Variants in GALM observed in about 807,000 individuals in gnomAD.
GALM encodes the protein galactose mutarotase.
GALM carries 43 observed loss-of-function variants against 37.4 expected under a neutral mutation model. The ratio of observed to expected loss-of-function variants is 1.15; its 90% confidence interval spans 0.90 to 1.48. The LOEUF (loss-of-function observed/expected upper bound fraction) is 1.48. GALM is among the 40% of genes most tolerant of loss of function. The probability of loss-of-function intolerance (pLI) is 0.00; values close to 1 mark genes in which losing one functional copy is unlikely to be tolerated. For missense variants in GALM, 456 were observed against 419.1 expected (o/e 1.09, Z -0.77); for synonymous variants, 199 against 170.6 (o/e 1.17, Z -1.30).
intron 2 of GALM, among the ~76,000 whole-genome samples, chr2:38,677,737 C>T (rs984054502): frequency 1.3e-5 from 2 of 152,136 alleles, no homozygotes; most frequent in African/African-American, 4.8e-5. Flanking sequence ...TGCCCTTGAG[C>T]CCCTTCTGTG....
chr2:38,728,724 G>A (rs6728394), intron 4 of GALM, among the ~76,000 whole-genome samples: 84,610 of 151,904 alleles, frequency 0.56, 22,414 homozygotes, highest in East Asian at 0.8. Flanking sequence ...AAACTCAACC[G>A]TAACATTGTT....
intron 3 of GALM, among the ~76,000 whole-genome samples, chr2:38,688,283 GAGCA>G: frequency 6.6e-6 from 1 of 151,958 alleles, no homozygotes; most frequent in South Asian, 2.1e-4. Context: ...AGGCCGAGGT[GAGCA>G]GATCACCTGA....
intron 3 of GALM, among the ~76,000 whole-genome samples, chr2:38,683,354 A>G (rs114877377): frequency 0.015 from 2,273 of 152,266 alleles, 30 homozygotes; most frequent in Middle Eastern, 0.024. Flanking sequence ...TCCGTATACC[A>G]CAGATTGAAT....
At chr2:38,723,006 G>C (rs76442673) in intron 4 of GALM, among the ~76,000 whole-genome samples, 2 of 152,196 alleles carry the variant, frequency 1.3e-5, no homozygotes, top group South Asian at 4.1e-4. Context: ...TTCATTCTTC[G>C]TCACCAGATG....
chr2:38,666,130 C>A lies in GALM; in HGVS notation c.-32C>A, dbSNP rs199512897. On this transcript the variant is annotated 5_prime_UTR_variant, in exon 1 of 7. Transcript: ENST00000272252. ...TTAGCGAGCGCTGGAGTTTGAAGAG[C>A]GGGCAGTGGCTGCACACGCCAAACT... is the stretch of plus-strand genomic sequence containing the variant. 3.2e-6 allele frequency: 5 copies of A among 1,579,784 alleles called. No homozygotes were observed. The African/African-American group carries it at 5.4e-5, about 17-fold the overall frequency.
chr2:38,708,850 A>C (rs1666096478), intron 4 of GALM, among the ~76,000 whole-genome samples: 1 of 151,786 alleles, frequency 6.6e-6, no homozygotes, highest in African/African-American at 2.4e-5. Flanking sequence ...TTGTTTTTTG[A>C]AGGAGAGGAG....
chr2:38,689,845 C>G lies in GALM; in HGVS notation c.585C>G (p.Thr195=). ...ASPNINDHEV[T]IEADTYLPVD... is the part of the protein sequence containing the mutation. Reference sequence around the variant, plus strand: ...CAAATATAAATGACCATGAAGTCACCATAGAAGCGGATACTTATTTGCCTG... The same window carrying G: ...CAAATATAAATGACCATGAAGTCACGATAGAAGCGGATACTTATTTGCCTG... The change falls in exon 4 of 7, where the codon ACC becomes ACG. Residue 195 remains threonine (T), a synonymous_variant. Coordinates refer to ENST00000272252, the MANE Select transcript of GALM (RefSeq NM_138801.3). 6.2e-7 allele frequency: 1 copy of G among 1,611,762 alleles called. No homozygotes were observed.
At chr2:38,679,954 A>C in intron 2 of GALM, 1 of 430,954 alleles carries the variant, frequency 2.3e-6, no homozygotes, top group South Asian at 1.7e-5. Flanking sequence ...CAAAGTTGAG[A>C]ACAGCCACTA....
Position 38,681,324 on chromosome 2 carries a change from G to T in GALM, c.390G>T (p.Ser130=). ...TGCTGTCAAATGGCGTCCAGTTCTC[G>T]CGCATCAGTCCAGATGGTGAAGAAG... The part of the protein sequence containing the change: ...PRVLSNGVQF[S]RISPDGEEGY... The change falls in exon 3 of 7, where the codon TCG becomes TCT. Residue 130 remains serine, a synonymous_variant. Transcript: ENST00000272252. 6.2e-7 allele frequency: 1 copy of T among 1,613,826 alleles called. No individual in the cohort carries two copies. The highest frequency in any genetic ancestry group is 8.5e-7 in the Non-Finnish European group (1 of 1,180,020).
At chr2:38,683,175 T>C (rs1665440168) in intron 3 of GALM, among the ~76,000 whole-genome samples, 1 of 152,192 alleles carries the variant, frequency 6.6e-6, no homozygotes, top group African/African-American at 2.4e-5. Flanking sequence ...TCTGCCAGTG[T>C]GTTCCAATGA....
In GALM at chr2:38,708,981, G is replaced by A. The variant is rs144348132; in HGVS notation, c.634+19087G>A. 2.8e-3 allele frequency among the ~76,000 whole-genome samples: 432 copies of A among 152,252 alleles called. 1 individual carries two copies. Among genetic ancestry groups the A allele is most frequent in the African/African-American group, 0.01 (416 of 41,534 alleles). ...TGGGCTTTCTCCAGCTCTCTCGGCA[G>A]GGCGGAGTCAGGAGCAGAGAAGGCA... On this transcript the variant is annotated intron_variant, in intron 4 of 6. Coordinates refer to ENST00000272252, the MANE Select transcript of GALM (RefSeq NM_138801.3).
intron 4 of GALM, among the ~76,000 whole-genome samples, chr2:38,691,400 G>A (rs1665668313): frequency 6.6e-6 from 1 of 152,116 alleles, no homozygotes; most frequent in African/African-American, 2.4e-5. Flanking sequence ...TGCGTTCGCT[G>A]GGTATGGTGG....
intron 4 of GALM, among the ~76,000 whole-genome samples, chr2:38,696,104 TA>T (rs563792773): frequency 1.3e-5 from 2 of 151,710 alleles, no homozygotes; most frequent in Non-Finnish European, 2.9e-5. Context: ...ACTATAACAG[TA>T]AAAAAAGTGT....
chr2:38,694,903 A>G (rs1393548477), intron 4 of GALM, among the ~76,000 whole-genome samples: 1 of 150,894 alleles, frequency 6.6e-6, no homozygotes, highest in Non-Finnish European at 1.5e-5. Context: ...TCTCAAAAAA[A>G]AAAAAAAAAC....
At chr2:38,706,295 A>G (rs566021342) in intron 4 of GALM, among the ~76,000 whole-genome samples, 9 of 149,686 alleles carry the variant, frequency 6.0e-5, no homozygotes, top group South Asian at 2.2e-4. Context: ...GAGCCACCAC[A>G]CCCAGCTGGA....
intron 4 of GALM, among the ~76,000 whole-genome samples, chr2:38,717,572 G>A (rs1965751): frequency 0.57 from 86,945 of 151,528 alleles, 26,077 homozygotes; most frequent in East Asian, 0.81. Flanking sequence ...CTAATTTTTT[G>A]TATTTTTAGC....
At chr2:38,729,764 G>C (rs1666562393) in intron 5 of GALM, 67 bp downstream of exon 5, 1 of 1,355,538 alleles carries the variant, frequency 7.4e-7, no homozygotes, top group Non-Finnish European at 1.0e-6. Flanking sequence ...TTCCTTTGGA[G>C]CTTTTCCTCT....
At chr2:38,725,282 C>T (rs559437445) in intron 4 of GALM, among the ~76,000 whole-genome samples, 1 of 152,284 alleles carries the variant, frequency 6.6e-6, no homozygotes, top group South Asian at 2.1e-4. Flanking sequence ...TGCTTGTAAA[C>T]CCAGTACTTT....
At chr2:38,722,116 T>A (rs376302420) in intron 4 of GALM, among the ~76,000 whole-genome samples, 1 of 129,620 alleles carries the variant, frequency 7.7e-6, no homozygotes, top group Non-Finnish European at 1.5e-5. Context: ...TCCCAGCACT[T>A]TGGGAGGCGG....
Sources: allele counts gnomAD v4.1 joint callset (sites outside exome capture counted in the v4.1 genomes callset), GRCh38; gene constraint gnomAD v4.1.1; transcripts MANE v1.5; gene names NCBI Gene and HGNC (gene_info 2026-07-23, HGNC 2026-07-21).